The following CLNK variants were observed in gnomAD, a reference collection of about 807,000 sequenced individuals.
CLNK encodes cytokine-dependent hematopoietic cell linker.
A neutral mutation model predicts 68.6 loss-of-function variants in CLNK; 74 were observed. The ratio of observed to expected loss-of-function variants is 1.08; its 90% confidence interval spans 0.89 to 1.31. The LOEUF (loss-of-function observed/expected upper bound fraction) is 1.31, where lower values mean the gene tolerates loss of function less well. CLNK is among the 50% of genes most tolerant of loss of function. The pLI, the probability that CLNK is intolerant of heterozygous loss-of-function variation, is 0.00. For missense variants in CLNK, 553 were observed against 515.3 expected (o/e 1.07, Z -0.71); for synonymous variants, 198 against 172.2 (o/e 1.15, Z -1.17).
the CLNK span, among the ~76,000 whole-genome samples, chr4:10,708,742 G>C: frequency 2.0e-5 from 3 of 152,292 alleles, no homozygotes; most frequent in East Asian, 5.8e-4. Flanking sequence ...GCCTGGAGTG[G>C]ATAAAGCAGA....
intron 8 of CLNK, among the ~76,000 whole-genome samples, chr4:10,550,394 C>G (rs927980850): frequency 2.0e-5 from 3 of 152,130 alleles, no homozygotes; most frequent in Non-Finnish European, 2.9e-5. Flanking sequence ...ACTCGGGAGG[C>G]TGAGGCAGGA....
At chr4:10,699,268 C>CACACATACACACCACGTATGTGTGTGTAT in the CLNK span, among the ~76,000 whole-genome samples, 1 of 32,416 alleles carries the variant, frequency 3.1e-5, no homozygotes, top group Admixed American at 3.7e-4. Context: ...TGTGTATACA[C>CACACATACACACCACGTATGTGTGTGTAT]ACACACACAC....
chr4:10,499,436 C>T (rs1716944601), intron 18 of CLNK, among the ~76,000 whole-genome samples: 1 of 152,138 alleles, frequency 6.6e-6, no homozygotes, highest in Non-Finnish European at 1.5e-5. Flanking sequence ...ACCTCATGGT[C>T]GCCTCACAGG....
chr4:10,706,828 A>G, the CLNK span, among the ~76,000 whole-genome samples: 1 of 152,166 alleles, frequency 6.6e-6, no homozygotes, highest in South Asian at 2.1e-4. Flanking sequence ...CCCCCAACCA[A>G]CTGAAAGGAC....
At chr4:10,518,007 ATT>A (rs35325652) in intron 15 of CLNK, among the ~76,000 whole-genome samples, 98 of 147,254 alleles carry the variant, frequency 6.7e-4, no homozygotes, top group Middle Eastern at 3.5e-3. Flanking sequence ...AATCTTTGGA[ATT>A]TTTTTTTTTT....
intron 18 of CLNK, among the ~76,000 whole-genome samples, chr4:10,499,689 G>A (rs1238244874): frequency 1.3e-5 from 2 of 152,160 alleles, no homozygotes; most frequent in African/African-American, 4.8e-5. Flanking sequence ...CAGACAAGGT[G>A]GCTTAAACAA....
chr4:10,537,055 G>A (rs1332822551), intron 11 of CLNK, among the ~76,000 whole-genome samples: 2 of 152,152 alleles, frequency 1.3e-5, no homozygotes, highest in Non-Finnish European at 2.9e-5. Flanking sequence ...TTCACCTGGG[G>A]GAGCCTTAAA....
chr4:10,675,877 A>G (rs553496736), intron 1 of CLNK, among the ~76,000 whole-genome samples: 1 of 152,354 alleles, frequency 6.6e-6, no homozygotes, highest in South Asian at 2.1e-4. Context: ...ATTAAGGCTT[A>G]AGGCTTTCTT....
At chr4:10,691,097 G>C in the CLNK span, among the ~76,000 whole-genome samples, 1 of 152,130 alleles carries the variant, frequency 6.6e-6, no homozygotes, top group African/African-American at 2.4e-5. Flanking sequence ...CTGGAGGGGA[G>C]AGATTTCCAA....
intron 1 of CLNK, among the ~76,000 whole-genome samples, chr4:10,673,099 T>G (rs905584342): frequency 3.9e-5 from 6 of 152,242 alleles, no homozygotes; most frequent in Non-Finnish European, 8.8e-5. Context: ...AATTTCTCTC[T>G]CAGGTCTTAT....
intron 2 of CLNK, among the ~76,000 whole-genome samples, chr4:10,649,021 C>T (rs1221243700): frequency 6.6e-6 from 1 of 152,106 alleles, no homozygotes; most frequent in African/African-American, 2.4e-5. Context: ...CAAAGTTTGG[C>T]ATGCAGTAAG....
the CLNK span, among the ~76,000 whole-genome samples, chr4:10,699,514 T>TATATATATATA: frequency 5.4e-5 from 1 of 18,470 alleles, no homozygotes; most frequent in Non-Finnish European, 1.1e-4. Context: ...ATATATATAT[T>TATATATATATA]TTTTTTTTTT....
At chr4:10,720,709 AC>A in the CLNK span, among the ~76,000 whole-genome samples, 2 of 101,492 alleles carry the variant, frequency 2.0e-5, no homozygotes, top group Non-Finnish European at 4.6e-5. Context: ...CCAAATGCTG[AC>A]AAGGATATGT....
chr4:10,680,401 A>G (rs972609026), intron 1 of CLNK, among the ~76,000 whole-genome samples: 2 of 150,476 alleles, frequency 1.3e-5, no homozygotes, highest in African/African-American at 4.9e-5. Flanking sequence ...TAGCATTAGG[A>G]GGTATACCTA....
intron 2 of CLNK, among the ~76,000 whole-genome samples, chr4:10,606,396 C>T (rs1396763362): frequency 1.3e-5 from 2 of 152,048 alleles, no homozygotes; most frequent in Admixed American, 6.6e-5. Context: ...GGAATCCCTC[C>T]TCAAGAACCT....
In CLNK at chr4:10,646,041, C is replaced by A. The variant is rs563054123; in HGVS notation, c.11+21818G>T. On this transcript the variant is annotated intron_variant, in intron 2 of 18. Transcript: ENST00000226951. ...TGATTTATATATGGGGGTAATCTAA[C>A]ATTATGAATGGAAGAAAGCCTGGAA... Among the ~76,000 whole-genome samples, 12 of 152,134 alleles carry A rather than the reference C, an allele frequency of 7.9e-5. No individual in the cohort carries two copies. In the South Asian group the frequency reaches 2.5e-3, roughly 32 times the overall value.
At chr4:10,631,408 C>T (rs1045744520) in intron 2 of CLNK, among the ~76,000 whole-genome samples, 1 of 152,104 alleles carries the variant, frequency 6.6e-6, no homozygotes, top group Non-Finnish European at 1.5e-5. Context: ...TGCCTTTGCC[C>T]CAGATGCTCA....
At chr4:10,566,372 A>C (rs1196705986) in intron 5 of CLNK, among the ~76,000 whole-genome samples, 3 of 152,216 alleles carry the variant, frequency 2.0e-5, no homozygotes, top group African/African-American at 7.2e-5. Context: ...ATCAATACTA[A>C]TCTAGGTACT....
At chr4:10,597,420 C>T (rs187037471) in intron 3 of CLNK, among the ~76,000 whole-genome samples, 3 of 152,292 alleles carry the variant, frequency 2.0e-5, no homozygotes, top group East Asian at 3.9e-4. Flanking sequence ...GCACAGGATT[C>T]GATCAAGTTC....
Sources: allele counts gnomAD v4.1 joint callset (sites outside exome capture counted in the v4.1 genomes callset), GRCh38; gene constraint gnomAD v4.1.1; transcripts MANE v1.5; gene names NCBI Gene and HGNC (gene_info 2026-07-23, HGNC 2026-07-21).